Variants in GPHN observed in about 807,000 individuals in gnomAD.
GPHN encodes the protein gephyrin.
A neutral mutation model predicts 95.5 loss-of-function variants in GPHN; 17 were observed. The observed-to-expected ratio is 0.18, with a 90% confidence interval of 0.12 to 0.27. The LOEUF (loss-of-function observed/expected upper bound fraction) is 0.27. Ranked by LOEUF, GPHN falls within the 10% of genes least tolerant of loss-of-function variation. The probability of loss-of-function intolerance (pLI) is 1.00; values close to 1 mark genes in which losing one functional copy is unlikely to be tolerated. For missense variants in GPHN, 660 were observed against 978.1 expected, an observed-to-expected ratio of 0.67 and a Z score of 4.34; for synonymous variants, 320 against 322.5, an observed-to-expected ratio of 0.99 and a Z score of 0.08.
chr14:66,579,686 GA>G (rs1184807733), intron 1 of GPHN, among the ~76,000 whole-genome samples: 3 of 151,748 alleles, frequency 2.0e-5, no homozygotes, highest in Non-Finnish European at 4.4e-5. Flanking sequence ...CCCAATATCA[GA>G]ACACCTAAAT....
chr14:67,242,290 C>T, the GPHN span, among the ~76,000 whole-genome samples: 5 of 152,124 alleles, frequency 3.3e-5, no homozygotes, highest in African/African-American at 1.2e-4. Flanking sequence ...AAATTAAAAT[C>T]TGATGGCTAG....
rs1371551258 is a variant in GPHN, at chr14:66,545,514, A to AC, written c.64+36930dup. Among the ~76,000 whole-genome samples the AC allele has an allele frequency of 1.4e-3, 120 of 82,802 alleles. 4 individuals carry two copies. Among genetic ancestry groups the AC allele is most frequent in the Non-Finnish European group, 1.8e-3 (85 of 47,362 alleles). 54.3% of individuals were successfully genotyped at this position (82,802 alleles called of 152,430 possible). The stretch of plus-strand genomic sequence containing the variant: ...GGGCGGCTGGCCGGGCGGGGAGCTG[A>AC]CCCCCCCACCTCCCTCCCGGACGGG... On this transcript the variant is annotated intron_variant, in intron 1 of 22. Transcript: ENST00000478722.
the GPHN span, among the ~76,000 whole-genome samples, chr14:67,212,484 G>A: frequency 6.6e-6 from 1 of 151,074 alleles, no homozygotes; most frequent in Non-Finnish European, 1.5e-5. Context: ...CCAGTTATTA[G>A]GGAGGCTGAA....
At chr14:67,296,508 G>A in the GPHN span, among the ~76,000 whole-genome samples, 2 of 149,282 alleles carry the variant, frequency 1.3e-5, no homozygotes, top group African/African-American at 5.0e-5. Flanking sequence ...ATGAACCCGG[G>A]GAGGCAGAGC....
At chr14:67,553,556 C>T in the GPHN span, among the ~76,000 whole-genome samples, 1 of 152,164 alleles carries the variant, frequency 6.6e-6, no homozygotes. Flanking sequence ...TTCCAGATTC[C>T]TGGAGAGAGA....
At chr14:67,633,958 A>C in the GPHN span, among the ~76,000 whole-genome samples, 5 of 152,154 alleles carry the variant, frequency 3.3e-5, no homozygotes, top group African/African-American at 4.8e-5. Context: ...CATCTGGTTC[A>C]TAGCAATTAG....
chr14:67,051,907 A>G (rs1293852124), intron 10 of GPHN, among the ~76,000 whole-genome samples: 1 of 152,226 alleles, frequency 6.6e-6, no homozygotes, highest in Non-Finnish European at 1.5e-5. Context: ...AGAAAAACAA[A>G]TACTGAGGGA....
In GPHN at chr14:66,844,056, A is replaced by G. The variant is rs111822190; in HGVS notation, c.294+19490A>G. ...ATTTTTTTGCAACTTTAAAAGCATC[A>G]TCTCTAAAAATAAATTTAATTATCT... On this transcript the variant is annotated intron_variant, in intron 4 of 22. Coordinates refer to ENST00000478722, the MANE Select transcript of GPHN (RefSeq NM_020806.5). 3.0e-3 allele frequency among the ~76,000 whole-genome samples: 464 copies of G among 152,190 alleles called. 8 individuals carry two copies. The highest frequency in any genetic ancestry group is 0.011 in the African/African-American group (439 of 41,562).
At chr14:66,808,442 G>T (rs1452345157) in intron 3 of GPHN, among the ~76,000 whole-genome samples, 1 of 152,176 alleles carries the variant, frequency 6.6e-6, no homozygotes, top group Non-Finnish European at 1.5e-5. Context: ...TGATCTTGAA[G>T]GAGTTCAGTG....
the GPHN span, among the ~76,000 whole-genome samples, chr14:67,327,941 G>A: frequency 2.0e-5 from 3 of 152,140 alleles, no homozygotes; most frequent in African/African-American, 7.2e-5. Context: ...TGCAGTCAAT[G>A]TACGTGTGCA....
At chr14:67,433,554 C>T in the GPHN span, among the ~76,000 whole-genome samples, 12 of 151,710 alleles carry the variant, frequency 7.9e-5, no homozygotes, top group African/African-American at 1.9e-4. Context: ...ACAAATGAGA[C>T]GCATCCTATA....
intron 2 of GPHN, among the ~76,000 whole-genome samples, chr14:66,761,382 C>G (rs1417147262): frequency 5.3e-5 from 8 of 152,058 alleles, no homozygotes. Context: ...AAAATATTCC[C>G]TTTATTAATA....
At chr14:67,243,060 T>A in the GPHN span, among the ~76,000 whole-genome samples, 1 of 152,208 alleles carries the variant, frequency 6.6e-6, no homozygotes, top group Non-Finnish European at 1.5e-5. Flanking sequence ...TTATCACCCA[T>A]TCCAAGAAAT....
the GPHN span, among the ~76,000 whole-genome samples, chr14:67,410,454 G>A: frequency 7.2e-5 from 11 of 152,210 alleles, no homozygotes; most frequent in East Asian, 2.1e-3. Flanking sequence ...GTAGTCTGAG[G>A]TGCAGCCACC....
chr14:67,602,145 TCA>T, the GPHN span, among the ~76,000 whole-genome samples: 2 of 152,208 alleles, frequency 1.3e-5, no homozygotes, highest in Admixed American at 6.5e-5. Flanking sequence ...GTTTATTGAC[TCA>T]CAGTTCCACA....
chr14:67,202,898 G>A, the GPHN span, among the ~76,000 whole-genome samples: 1 of 152,106 alleles, frequency 6.6e-6, no homozygotes, highest in Non-Finnish European at 1.5e-5. Flanking sequence ...GCCTTCCCTG[G>A]TAGGCCCCCA....
the GPHN span, chr14:67,690,345 G>A: frequency 5.0e-6 from 8 of 1,614,144 alleles, no homozygotes; most frequent in Non-Finnish European, 5.1e-6. Flanking sequence ...GATGTGCGAG[G>A]GAAGACACAT....
chr14:67,722,163 C>T, the GPHN span, among the ~76,000 whole-genome samples: 1 of 152,138 alleles, frequency 6.6e-6, no homozygotes, highest in African/African-American at 2.4e-5. Context: ...CGTCTCTCTC[C>T]ATTCTTCTGG....
At chr14:66,741,041 T>A (rs1190783417) in intron 2 of GPHN, among the ~76,000 whole-genome samples, 1 of 152,034 alleles carries the variant, frequency 6.6e-6, no homozygotes, top group African/African-American at 2.4e-5. Flanking sequence ...AGGAAGAAAT[T>A]AAACTTGCAG....
Sources: allele counts gnomAD v4.1 joint callset (sites outside exome capture counted in the v4.1 genomes callset), GRCh38; gene constraint gnomAD v4.1.1; transcripts MANE v1.5; gene names NCBI Gene and HGNC (gene_info 2026-07-23, HGNC 2026-07-21).